The following PTCSC3 variants were observed in gnomAD, a reference collection of about 807,000 sequenced individuals.
PTCSC3 encodes papillary thyroid carcinoma susceptibility candidate 3 (non-protein coding).
At chr14:36,166,352 A>G (rs527783031) in intron 1 of PTCSC3, among the ~76,000 whole-genome samples, 1 of 152,328 alleles carries the variant, frequency 6.6e-6, no homozygotes, top group South Asian at 2.1e-4. Context: ...GTAAGTTATT[A>G]AATTAAGGCT....
chr14:36,161,276 G>A (rs923282602), intron 2 of PTCSC3, among the ~76,000 whole-genome samples: 1 of 152,152 alleles, frequency 6.6e-6, no homozygotes, highest in Non-Finnish European at 1.5e-5. Context: ...GCGAGGAGTT[G>A]TGATCCTTTG....
chr14:36,147,617 G>A (rs931507724), intron 3 of PTCSC3, among the ~76,000 whole-genome samples: 37 of 151,448 alleles, frequency 2.4e-4, no homozygotes, highest in South Asian at 1.5e-3. Context: ...ATTTCCTCCC[G>A]TAGCTCAGAG....
At chr14:36,150,187 T>TG (rs1228878030) in intron 3 of PTCSC3, among the ~76,000 whole-genome samples, 2 of 152,200 alleles carry the variant, frequency 1.3e-5, no homozygotes, top group Non-Finnish European at 2.9e-5. Flanking sequence ...TTATGTCCCC[T>TG]CAAAATTCAT....
chr14:36,147,464 A>C (rs1212033305), intron 3 of PTCSC3, among the ~76,000 whole-genome samples: 1 of 151,988 alleles, frequency 6.6e-6, no homozygotes, highest in East Asian at 1.9e-4. Context: ...TCGGCTCCTG[A>C]GGCTTCTGCA....
At chr14:36,165,542 T>TAA (rs149624041) in intron 1 of PTCSC3, among the ~76,000 whole-genome samples, 1 of 142,388 alleles carries the variant, frequency 7.0e-6, no homozygotes, top group African/African-American at 2.6e-5. Flanking sequence ...TTGCAATCTA[T>TAA]AAAAAAAAAA....
chr14:36,140,246 A>ATCT (rs1881388853), intron 3 of PTCSC3, among the ~76,000 whole-genome samples: 1 of 152,192 alleles, frequency 6.6e-6, no homozygotes, highest in African/African-American at 2.4e-5. Context: ...ATTGAGGGAC[A>ATCT]TCTTAGTTGC....
intron 3 of PTCSC3, among the ~76,000 whole-genome samples, chr14:36,152,738 A>T (rs1881749565): frequency 6.8e-6 from 1 of 147,018 alleles, no homozygotes; most frequent in South Asian, 2.2e-4. Context: ...TACTAAAAAT[A>T]AAAAAAATAG....
intron 3 of PTCSC3, among the ~76,000 whole-genome samples, chr14:36,151,094 G>A (rs145569406): frequency 5.9e-4 from 89 of 151,894 alleles, no homozygotes; most frequent in African/African-American, 2.1e-3. Context: ...CTCAGTTTTT[G>A]TTTGTATGAA....
chr14:36,142,694 A>G (rs1594444302), intron 3 of PTCSC3, among the ~76,000 whole-genome samples: 1 of 151,478 alleles, frequency 6.6e-6, no homozygotes, highest in East Asian at 1.9e-4. Context: ...TTTAGGGTAC[A>G]TGTGCACATT....
chr14:36,165,710 T>C (rs571453007), intron 1 of PTCSC3, among the ~76,000 whole-genome samples: 1 of 145,812 alleles, frequency 6.9e-6, no homozygotes, highest in East Asian at 2.0e-4. Context: ...TTTCCTGATC[T>C]ATTTATTTTT....
chr14:36,167,027 T>A (rs1882101462), intron 1 of PTCSC3, among the ~76,000 whole-genome samples: 1 of 152,226 alleles, frequency 6.6e-6, no homozygotes, highest in Non-Finnish European at 1.5e-5. Context: ...TATACCATAA[T>A]CTTTCTCTCT....
intron 2 of PTCSC3, among the ~76,000 whole-genome samples, chr14:36,161,372 T>C (rs1421161084): frequency 6.6e-6 from 1 of 152,188 alleles, no homozygotes; most frequent in Non-Finnish European, 1.5e-5. Context: ...CTACCTTTGG[T>C]CTTTGATGCT....
At chr14:36,136,121 T>C (rs1881282430) in exon 4 of PTCSC3, 1 of 152,132 alleles carries the variant, frequency 6.6e-6, no homozygotes. Flanking sequence ...GCCAGTCTAA[T>C]GTTTTCATGT....
chr14:36,174,327 A>G (rs370927925), intron 1 of PTCSC3, among the ~76,000 whole-genome samples: 1 of 152,080 alleles, frequency 6.6e-6, no homozygotes, highest in East Asian at 1.9e-4. Context: ...TTGACTCTCT[A>G]TGTTAAGTCT....
At chr14:36,146,094 T>G (rs915341091) in intron 3 of PTCSC3, among the ~76,000 whole-genome samples, 10 of 148,928 alleles carry the variant, frequency 6.7e-5, no homozygotes, top group Non-Finnish European at 1.5e-4. Context: ...ATGTGGTCAA[T>G]TTTGGAATAG....
chr14:36,174,261 TTTC>T (rs2139115788), intron 1 of PTCSC3, among the ~76,000 whole-genome samples: 1 of 152,230 alleles, frequency 6.6e-6, no homozygotes, highest in African/African-American at 2.4e-5. Flanking sequence ...TCTGCTTATT[TTTC>T]TTCTCTCTAC....
At chr14:36,141,557 T>G (rs1594443742) in intron 3 of PTCSC3, among the ~76,000 whole-genome samples, 1 of 152,256 alleles carries the variant, frequency 6.6e-6, no homozygotes, top group African/African-American at 2.4e-5. Context: ...TTCACCATGT[T>G]GGCCAGGCTG....
intron 1 of PTCSC3, among the ~76,000 whole-genome samples, chr14:36,169,884 G>A (rs1276718749): frequency 6.6e-6 from 1 of 152,096 alleles, no homozygotes; most frequent in Non-Finnish European, 1.5e-5. Context: ...AGAGCTCAAA[G>A]GAAAGCGGAT....
chr14:36,176,319 C>G (rs1398268846), exon 1 of PTCSC3: 2 of 151,876 alleles, frequency 1.3e-5, no homozygotes, highest in African/African-American at 4.8e-5. Context: ...AGTGTTCCCT[C>G]TCAGTGCAGT....
Sources: allele counts gnomAD v4.1 joint callset (sites outside exome capture counted in the v4.1 genomes callset), GRCh38; gene constraint gnomAD v4.1.1; transcripts MANE v1.5; gene names NCBI Gene and HGNC (gene_info 2026-07-23, HGNC 2026-07-21).